Variants in ANKS1B observed in about 807,000 individuals in gnomAD.
ANKS1B encodes the protein ankyrin repeat and sterile alpha motif domain containing 1B, also known as ankyrin repeat and sterile alpha motif domain-containing protein 1B.
Under a neutral mutation model 148.3 loss-of-function variants are expected in ANKS1B, and 36 were observed. That is an observed-to-expected ratio of 0.24 (90% confidence interval 0.19 to 0.32). The LOEUF is 0.32. Among genes scored for constraint, ANKS1B ranks in the 10% least tolerant of loss-of-function variants. The probability of loss-of-function intolerance (pLI) is 1.00; values close to 1 mark genes in which losing one functional copy is unlikely to be tolerated. For synonymous variants in ANKS1B, 542 were observed against 560.8 expected (o/e 0.97, Z 0.47); for missense variants, 1,157 against 1,542.6 (o/e 0.75, Z 4.19).
chr12:99,352,749 A>G (rs962128393), intron 12 of ANKS1B, among the ~76,000 whole-genome samples: 12 of 152,044 alleles, frequency 7.9e-5, no homozygotes, highest in African/African-American at 2.7e-4. Flanking sequence ...TTATTTACTT[A>G]AAAACTTAAA....
chr12:99,167,996 A>G (rs1300487378), intron 14 of ANKS1B, among the ~76,000 whole-genome samples: 1 of 152,238 alleles, frequency 6.6e-6, no homozygotes, highest in Non-Finnish European at 1.5e-5. Flanking sequence ...TAGAGAGTAT[A>G]AACTTAAATA....
chr12:99,804,503 C>A (rs963643687), intron 4 of ANKS1B, among the ~76,000 whole-genome samples: 13 of 152,148 alleles, frequency 8.5e-5, no homozygotes, highest in African/African-American at 2.9e-4. Flanking sequence ...AGCTCTGGTT[C>A]AGGGTGCTAG....
At chr12:99,637,936 A>C (rs2098257641) in intron 9 of ANKS1B, among the ~76,000 whole-genome samples, 1 of 151,836 alleles carries the variant, frequency 6.6e-6, no homozygotes, top group Non-Finnish European at 1.5e-5. Flanking sequence ...ACCATGTGTC[A>C]TGGGAGGGAC....
At chr12:99,516,594 GC>G (rs1023897496) in intron 9 of ANKS1B, among the ~76,000 whole-genome samples, 2 of 152,144 alleles carry the variant, frequency 1.3e-5, no homozygotes, top group Admixed American at 1.3e-4. Context: ...TGTCAGGGAG[GC>G]AGGGGGAGGG....
chr12:99,606,239 C>G (rs905601016), intron 9 of ANKS1B, among the ~76,000 whole-genome samples: 2 of 151,676 alleles, frequency 1.3e-5, no homozygotes, highest in African/African-American at 4.8e-5. Flanking sequence ...CATTATTAAC[C>G]CCTTGTCAGA....
rs986503676 is a variant in ANKS1B, at chr12:99,620,591, A to C, written c.1272+34476T>G. Among the ~76,000 whole-genome samples, 10 of 152,316 alleles carry C rather than the reference A, an allele frequency of 6.6e-5. No homozygotes were observed. The South Asian group carries it at 2.1e-3, about 32-fold the overall frequency. On this transcript the variant is annotated intron_variant, in intron 9 of 26. Transcript: ENST00000683438. The stretch of plus-strand genomic sequence containing the variant: ...AATTGAAAGGAATTGAAATACTTTC[A>C]AGAGAAAATTTCAAAATACAATTGA...
intron 9 of ANKS1B, among the ~76,000 whole-genome samples, chr12:99,573,449 A>T (rs2097483366): frequency 6.6e-6 from 1 of 152,090 alleles, no homozygotes; most frequent in Non-Finnish European, 1.5e-5. Context: ...TGAATGTTTT[A>T]TCTTTTTCTA....
At chr12:98,939,425 T>A (rs1597275301) in intron 17 of ANKS1B, among the ~76,000 whole-genome samples, 1 of 152,348 alleles carries the variant, frequency 6.6e-6, no homozygotes, top group East Asian at 1.9e-4. Context: ...AGCAGATGCA[T>A]AATGTGCCAT....
chr12:99,211,635 C>T (rs910627779), intron 14 of ANKS1B, among the ~76,000 whole-genome samples: 13 of 152,148 alleles, frequency 8.5e-5, no homozygotes, highest in African/African-American at 2.4e-4. Flanking sequence ...AGGAAGGACC[C>T]GCTCCAGTTC....
At chr12:98,865,019 T>C (rs2099617412) in intron 17 of ANKS1B, among the ~76,000 whole-genome samples, 1 of 152,166 alleles carries the variant, frequency 6.6e-6, no homozygotes, top group Non-Finnish European at 1.5e-5. Flanking sequence ...TCTAATCAAA[T>C]CATGTGCCTT....
chr12:98,978,194 T>C (rs2099901048), intron 17 of ANKS1B, among the ~76,000 whole-genome samples: 1 of 152,212 alleles, frequency 6.6e-6, no homozygotes, highest in South Asian at 2.1e-4. Context: ...GTCTATTACC[T>C]TGCTACTTGT....
chr12:99,962,566 GT>G (rs985129411), intron 1 of ANKS1B, among the ~76,000 whole-genome samples: 20 of 152,144 alleles, frequency 1.3e-4, no homozygotes, highest in African/African-American at 4.8e-4. Flanking sequence ...TATATACCCA[GT>G]AATGGTATTG....
chr12:99,006,774 T>A (rs926870037), intron 17 of ANKS1B, among the ~76,000 whole-genome samples: 1 of 152,238 alleles, frequency 6.6e-6, no homozygotes, highest in Non-Finnish European at 1.5e-5. Flanking sequence ...ACTGTGCTAT[T>A]ATTACCAGGC....
chr12:99,023,062 G>A (rs1046968872), intron 17 of ANKS1B, among the ~76,000 whole-genome samples: 1 of 151,914 alleles, frequency 6.6e-6, no homozygotes, highest in African/African-American at 2.4e-5. Context: ...GTACATTCCT[G>A]GGATAAATCC....
rs946886353 is a variant in ANKS1B, at chr12:98,939,001, T to C, written c.2779-106865A>G. Among the ~76,000 whole-genome samples, 9 of 152,242 alleles carry C rather than the reference T, an allele frequency of 5.9e-5. 1 individual carries two copies. The highest frequency in any genetic ancestry group is 1.9e-4 in the African/African-American group (8 of 41,460). On this transcript the variant is annotated intron_variant, in intron 17 of 26. Transcript: ENST00000683438. ...GGCAAAAGTTTATTAAGTCAGATCC[T>C]GATTTTGCAACTAACACCTTTTTTC...
chr12:98,973,241 A>G (rs1215287711), intron 17 of ANKS1B, among the ~76,000 whole-genome samples: 2 of 151,800 alleles, frequency 1.3e-5, no homozygotes, highest in Admixed American at 1.3e-4. Context: ...AAGAAAATAG[A>G]CTCACAAGGT....
At chr12:98,866,844 G>A (rs2099627157) in intron 17 of ANKS1B, among the ~76,000 whole-genome samples, 1 of 152,230 alleles carries the variant, frequency 6.6e-6, no homozygotes, top group African/African-American at 2.4e-5. Flanking sequence ...TATCTCTACT[G>A]CAGCAATTTC....
intron 2 of ANKS1B, 39 bp downstream of exon 2, chr12:99,825,270 C>T: frequency 6.5e-7 from 1 of 1,534,664 alleles, no homozygotes. Flanking sequence ...TCACATGTAA[C>T]TAAATACACA....
intron 17 of ANKS1B, among the ~76,000 whole-genome samples, chr12:99,003,721 G>C (rs2099934388): frequency 6.6e-6 from 1 of 152,146 alleles, no homozygotes; most frequent in Non-Finnish European, 1.5e-5. Flanking sequence ...GTGCAGTAGA[G>C]CCTGATGGTT....
Sources: allele counts gnomAD v4.1 joint callset (sites outside exome capture counted in the v4.1 genomes callset), GRCh38; gene constraint gnomAD v4.1.1; transcripts MANE v1.5; gene names NCBI Gene and HGNC (gene_info 2026-07-23, HGNC 2026-07-21).